Variants in KRT78 observed in about 807,000 individuals in gnomAD.
The protein encoded by KRT78 is keratin, type II cytoskeletal 78.
Under a neutral mutation model 51.4 loss-of-function variants are expected in KRT78, and 55 were observed. That is an observed-to-expected ratio of 1.07 (90% confidence interval 0.86 to 1.34). The LOEUF is 1.34. Among genes scored for constraint, KRT78 ranks in the 40% most tolerant of loss-of-function variants. The probability of loss-of-function intolerance (pLI) is 0.00; values close to 1 mark genes in which losing one functional copy is unlikely to be tolerated. For synonymous variants in KRT78, 291 were observed against 264.3 expected, an observed-to-expected ratio of 1.10 and a Z score of -0.98; for missense variants, 652 against 649.4, an observed-to-expected ratio of 1.00 and a Z score of -0.04.
At position 52,846,236 on chromosome 12, in the gene KRT78, C is replaced by T. The variant is rs770499154; in HGVS notation, c.717G>A (p.Leu239=). 63 of 1,613,902 alleles carry T rather than the reference C, an allele frequency of 3.9e-5. 1 individual carries two copies. The highest frequency in any genetic ancestry group is 5.0e-5 in the Admixed American group (3 of 60,004). Residue 239 remains leucine, a synonymous_variant, in exon 4 of 9, where the codon CTG becomes CTA. Coordinates refer to ENST00000304620, the MANE Select transcript of KRT78 (RefSeq NM_173352.4). The part of the protein sequence containing the change: ...KMELEGKLEA[L]REYLYFLKHL... Reference sequence around the variant, plus strand: ...GCTTCAAGAAGTAGAGGTACTCTCTCAGAGCCTCCAGCTTGCCCTCCAACT... The same window carrying T: ...GCTTCAAGAAGTAGAGGTACTCTCTTAGAGCCTCCAGCTTGCCCTCCAACT...
intron 4 of KRT78, 33 bp from the exon 5 acceptor site, chr12:52,844,756 C>T (rs1940601936): frequency 1.3e-6 from 2 of 1,573,750 alleles, no homozygotes; most frequent in Non-Finnish European, 8.6e-7. Flanking sequence ...GTCCACTCAC[C>T]CCCAGCTCCT....
intron 6 of KRT78, among the ~76,000 whole-genome samples, chr12:52,840,544 TA>T (rs1032025007): frequency 3.3e-5 from 5 of 151,722 alleles, no homozygotes; most frequent in Admixed American, 6.6e-5. Context: ...CTACTAAAAA[TA>T]AAAATAAAAA....
chr12:52,841,412 G>A lies in KRT78; in HGVS notation c.1048-1428C>T, dbSNP rs561197328. 7.9e-5 allele frequency among the ~76,000 whole-genome samples: 12 copies of A among 151,828 alleles called. No homozygotes were observed. In the South Asian group the frequency reaches 2.3e-3, roughly 29 times the overall value. ...TGAGGTAGGAGAATCGCTTGAACCCGGGAGGCGGAGGTTGCAGTGAGCCGA... is the reference window on the plus strand; with the variant it reads ...TGAGGTAGGAGAATCGCTTGAACCCAGGAGGCGGAGGTTGCAGTGAGCCGA... On this transcript the variant is annotated intron_variant, in intron 6 of 8. Coordinates refer to ENST00000304620, the MANE Select transcript of KRT78 (RefSeq NM_173352.4).
In KRT78 at chr12:52,846,407, AC is replaced by A; in HGVS notation, c.661-116del. Reference sequence around the variant, plus strand: ...ACACCCATCCACCATGCCTCCCAAGACCCCCTCCTTCCTCCTCCAGCCCCAC... The same window carrying A: ...ACACCCATCCACCATGCCTCCCAAGACCCCTCCTTCCTCCTCCAGCCCCAC... On this transcript the variant is annotated intron_variant, in intron 3 of 8. Transcript: ENST00000304620. The A allele has an allele frequency of 4.1e-6, 3 of 733,562 alleles. No homozygotes were observed. In the South Asian group the frequency reaches 4.6e-5, roughly 11 times the overall value. The allele number at this position is 733,562 out of a possible 1,614,324, so 45.4% of individuals were successfully genotyped here.
intron 6 of KRT78, among the ~76,000 whole-genome samples, chr12:52,842,959 GAGGAAGGAAGGAAGGAAGGA>G (rs1191289534): frequency 7.4e-5 from 4 of 53,760 alleles, no homozygotes; most frequent in Admixed American, 2.0e-4. Flanking sequence ...GAGAGAGAGA[GAGGAAGGAAGGAAGGAAGGA>G]AGGAAGGAAG....
chr12:52,841,384 G>A (rs1297674975), intron 6 of KRT78, among the ~76,000 whole-genome samples: 2 of 151,890 alleles, frequency 1.3e-5, no homozygotes, highest in Non-Finnish European at 2.9e-5. Context: ...CTACTCAGGA[G>A]GCTGAGGTAG....
At chr12:52,839,418 T>G in intron 8 of KRT78, 35 bp downstream of exon 8, 1 of 1,611,114 alleles carries the variant, frequency 6.2e-7, no homozygotes, top group Non-Finnish European at 8.5e-7. Flanking sequence ...CAGCTCCCCA[T>G]GGGGATCCCA....
intron 1 of KRT78, 179 bp downstream of exon 1, chr12:52,848,368 A>G: frequency 7.1e-7 from 1 of 1,413,630 alleles, no homozygotes; most frequent in Non-Finnish European, 9.6e-7. Flanking sequence ...CCAATCATGG[A>G]ACAACAGGGC....
intron 6 of KRT78, among the ~76,000 whole-genome samples, chr12:52,843,724 AAAAGG>A (rs1294321212): frequency 6.6e-6 from 1 of 151,142 alleles, no homozygotes; most frequent in Non-Finnish European, 1.5e-5. Context: ...AAAAGAAAAG[AAAAGG>A]AAAAGATAAG....
rs1381437569 is a variant in KRT78, at chr12:52,838,423, C to T, written c.*690G>A. On this transcript the variant is annotated 3_prime_UTR_variant, in exon 9 of 9. Transcript: ENST00000304620. ...AGGGGGTAGGGGCAGAGTTTGAACCCCAATCTCCATCAGAGCCCCCAGGCA... is the reference window on the plus strand; with the variant it reads ...AGGGGGTAGGGGCAGAGTTTGAACCTCAATCTCCATCAGAGCCCCCAGGCA... 2 of 152,666 alleles carry T rather than the reference C, an allele frequency of 1.3e-5. No homozygotes were observed. The highest frequency in any genetic ancestry group is 2.9e-5 in the Non-Finnish European group (2 of 68,486). The allele number at this position is 152,666 out of a possible 1,614,324, so 9.5% of individuals were successfully genotyped here. A position where few individuals can be genotyped will look rare whatever the true frequency, so the allele number is the denominator to read the frequency against.
At chr12:52,844,529 A>G in intron 5 of KRT78, 30 bp downstream of exon 5, 1 of 1,598,404 alleles carries the variant, frequency 6.3e-7, no homozygotes. Context: ...AGCCATTTCC[A>G]GCATGGTGCT....
intron 6 of KRT78, among the ~76,000 whole-genome samples, chr12:52,841,091 G>A (rs1459638968): frequency 6.6e-6 from 1 of 152,064 alleles, no homozygotes; most frequent in African/African-American, 2.4e-5. Context: ...TCCCCCTGAG[G>A]GTCACAATGG....
chr12:52,845,545 C>A (rs182272803), intron 4 of KRT78, among the ~76,000 whole-genome samples: 1 of 152,336 alleles, frequency 6.6e-6, no homozygotes, highest in East Asian at 1.9e-4. Context: ...GCTCCATGTT[C>A]CCAATCCTCC....
At position 52,839,760 on chromosome 12, in the gene KRT78, T is replaced by G. The variant is rs1940438003; in HGVS notation, c.1268+4A>C. On this transcript the variant is annotated splice_donor_region_variant and intron_variant, in intron 7 of 8. Coordinates refer to ENST00000304620, the MANE Select transcript of KRT78 (RefSeq NM_173352.4). The stretch of plus-strand genomic sequence containing the variant: ...ATTCCCAGGTCCCTCCAAGCCTCCC[T>G]CACCTGCACTCCTCGCCCTCCAGCA... 1 of 1,613,366 alleles carries G rather than the reference T, an allele frequency of 6.2e-7. No individual in the cohort carries two copies. The highest frequency in any genetic ancestry group is 8.5e-7 in the Non-Finnish European group (1 of 1,179,676).
intron 6 of KRT78, among the ~76,000 whole-genome samples, chr12:52,841,007 C>G (rs1940483576): frequency 6.6e-6 from 1 of 152,086 alleles, no homozygotes; most frequent in South Asian, 2.1e-4. Flanking sequence ...CTATTTCTTC[C>G]CACCCCCAGC....
chr12:52,845,391 C>G (rs1158768939), intron 4 of KRT78, among the ~76,000 whole-genome samples: 1 of 152,158 alleles, frequency 6.6e-6, no homozygotes, highest in Non-Finnish European at 1.5e-5. Flanking sequence ...TCAGACAGCA[C>G]ACTCCCGCTG....
chr12:52,839,949 C>T lies in KRT78; in HGVS notation c.1083G>A (p.Glu361=). The T allele has an allele frequency of 6.2e-7, 1 of 1,613,872 alleles. No homozygotes were observed. Among genetic ancestry groups the T allele is most frequent in the Non-Finnish European group, 8.5e-7 (1 of 1,179,828 alleles). Residue 361 remains glutamate (E), a synonymous_variant, in exon 7 of 9, where the codon GAG becomes GAA. Transcript: ENST00000304620. The part of the protein sequence containing the change: ...ASLQAAITDA[E]QRGELALKDA... ...CCTTGAGGGCCAGCTCCCCACGCTG[C>T]TCAGCATCAGTGATGGCGGCCTGCA...
chr12:52,848,300 A>C, intron 1 of KRT78, 179 bp from the exon 2 acceptor site: 1 of 1,534,596 alleles, frequency 6.5e-7, no homozygotes, highest in Non-Finnish European at 8.7e-7. Flanking sequence ...AAATGACTGG[A>C]CTGACTAATG....
chr12:52,844,328 C>G (rs60517281), intron 5 of KRT78, 110 bp from the exon 6 acceptor site: 1 of 1,345,582 alleles, frequency 7.4e-7, no homozygotes, highest in African/African-American at 1.5e-5. Flanking sequence ...GTGGGTTAAA[C>G]GCCTGAGCCA....
Sources: allele counts gnomAD v4.1 joint callset (sites outside exome capture counted in the v4.1 genomes callset), GRCh38; gene constraint gnomAD v4.1.1; transcripts MANE v1.5; gene names NCBI Gene and HGNC (gene_info 2026-07-23, HGNC 2026-07-21).